GSN: variants seen among roughly 807,000 people sequenced by gnomAD.
GSN encodes actin-depolymerizing factor.
GSN carries 56 observed loss-of-function variants against 85.7 expected under a neutral mutation model. The ratio of observed to expected loss-of-function variants is 0.65; its 90% CI spans 0.53 to 0.82. GSN has a LOEUF of 0.82. Among genes scored for constraint, GSN ranks in the 40% least tolerant of loss-of-function variants. GSN has a pLI of 0.00. For synonymous variants in GSN, 373 were observed against 399.1 expected (o/e 0.93, Z 0.78); for missense variants, 857 against 979.8 (o/e 0.87, Z 1.67).
chr9:121,323,054 C>G (rs373464323), intron 11 of GSN, among the ~76,000 whole-genome samples: 1 of 152,048 alleles, frequency 6.6e-6, no homozygotes, highest in Non-Finnish European at 1.5e-5. Context: ...AGGCTGGTCT[C>G]GAACTCCTCT....
chr9:121,291,387 A>G (rs974111980), intron 2 of GSN, among the ~76,000 whole-genome samples: 6 of 149,834 alleles, frequency 4.0e-5, no homozygotes, highest in African/African-American at 1.2e-4. Flanking sequence ...GGGAGGGACA[A>G]CTATTCTCTG....
intron 6 of GSN, among the ~76,000 whole-genome samples, chr9:121,254,894 A>G (rs559821868): frequency 5.9e-5 from 9 of 152,240 alleles, no homozygotes; most frequent in African/African-American, 1.7e-4. Context: ...TACCCTTACA[A>G]AAGTATTTTA....
At chr9:121,239,649 G>T in intron 5 of GSN, 1 of 287,878 alleles carries the variant, frequency 3.5e-6, no homozygotes, top group Non-Finnish European at 6.9e-6. Flanking sequence ...TTGACGTTGA[G>T]GATTGGTTGG....
chr9:121,296,135 T>C (rs1398590604), intron 2 of GSN, among the ~76,000 whole-genome samples: 2 of 152,160 alleles, frequency 1.3e-5, no homozygotes, highest in African/African-American at 4.8e-5. Flanking sequence ...TTGGGCTTGA[T>C]TGATTTAGCC....
intron 2 of GSN, chr9:121,286,865 G>T: frequency 1.1e-6 from 1 of 926,808 alleles, no homozygotes; most frequent in South Asian, 1.4e-5. Context: ...GAACCTCTCT[G>T]AGCTTTTGTT....
chr9:121,236,298 C>T (rs1019493173), intron 5 of GSN, among the ~76,000 whole-genome samples: 1 of 152,150 alleles, frequency 6.6e-6, no homozygotes, highest in Non-Finnish European at 1.5e-5. Context: ...CGGCTTACTG[C>T]AGCCTCCACC....
intron 1 of GSN, among the ~76,000 whole-genome samples, chr9:121,272,276 G>A (rs2056092831): frequency 6.6e-6 from 1 of 152,178 alleles, no homozygotes; most frequent in Admixed American, 6.5e-5. Context: ...TAAGAATAGG[G>A]CAGAGAAAAG....
chr9:121,222,036 G>A (rs1403275364), intron 4 of GSN, among the ~76,000 whole-genome samples: 3 of 152,132 alleles, frequency 2.0e-5, no homozygotes, highest in Non-Finnish European at 4.4e-5. Flanking sequence ...CCATCCCAAA[G>A]GACTGGTTCC....
Position 121,331,466 on chromosome 9 carries a change from T to TGGGTGCGG in GSN, c.2026+21_2026+22insTGCGGGGG. On this transcript the variant is annotated intron_variant, in intron 17 of 17. Coordinates refer to ENST00000432226, the MANE Select transcript of GSN (RefSeq NM_198252.3). ...GACTTCTGGTGAGGACCCGAGTGCC[T>TGGGTGCGG]GGGGGCGGGGGGAGGGGTCCGTTGC... 1 of 887,856 alleles carries TGGGTGCGG rather than the reference T, an allele frequency of 1.1e-6. No individual in the cohort carries two copies. Among genetic ancestry groups the TGGGTGCGG allele is most frequent in the Admixed American group, 2.3e-5 (1 of 43,044 alleles). The allele number at this position is 887,856 out of a possible 1,614,324, so 55.0% of individuals were successfully genotyped here.
chr9:121,321,180 A>G (rs2062390240), intron 10 of GSN, 88 bp from the exon 11 acceptor site: 1 of 1,437,262 alleles, frequency 7.0e-7, no homozygotes, highest in Non-Finnish European at 9.7e-7. Flanking sequence ...TGGCCTAACC[A>G]CAACCTACCA....
chr9:121,251,074 C>A (rs1178488212), intron 6 of GSN, among the ~76,000 whole-genome samples: 1 of 151,794 alleles, frequency 6.6e-6, no homozygotes, highest in Non-Finnish European at 1.5e-5. Context: ...TATCCTCCTG[C>A]CGCGGCATCC....
chr9:121,319,234 T>C (rs1417016897), intron 10 of GSN, among the ~76,000 whole-genome samples: 3 of 152,072 alleles, frequency 2.0e-5, no homozygotes, highest in Non-Finnish European at 4.4e-5. Flanking sequence ...ACCTTTGGGT[T>C]GGGTCTCAGA....
intron 5 of GSN, among the ~76,000 whole-genome samples, chr9:121,235,704 T>A (rs912066725): frequency 6.6e-6 from 1 of 152,206 alleles, no homozygotes; most frequent in African/African-American, 2.4e-5. Context: ...GAAAGCTTGC[T>A]GGTTATCTTA....
At chr9:121,320,833 A>T (rs1046568999) in intron 10 of GSN, among the ~76,000 whole-genome samples, 1 of 152,150 alleles carries the variant, frequency 6.6e-6, no homozygotes, top group Non-Finnish European at 1.5e-5. Flanking sequence ...TGAGCCTCAC[A>T]GTACTTTGAG....
At chr9:121,306,009 C>G (rs546517726) in intron 4 of GSN, among the ~76,000 whole-genome samples, 1 of 152,292 alleles carries the variant, frequency 6.6e-6, no homozygotes, top group African/African-American at 2.4e-5. Flanking sequence ...GGGGCTTGGC[C>G]CTCTTGTTCT....
intron 5 of GSN, among the ~76,000 whole-genome samples, chr9:121,235,780 G>C (rs1339095166): frequency 5.9e-5 from 9 of 152,178 alleles, no homozygotes; most frequent in African/African-American, 2.2e-4. Context: ...CAGGCACCTG[G>C]CCACCCTAAA....
rs777983356 is a variant in GSN, at chr9:121,310,665, T to C, written c.352-19T>C. 32 of 1,613,472 alleles carry C rather than the reference T, an allele frequency of 2.0e-5. No individual in the cohort carries two copies. The highest frequency in any genetic ancestry group is 5.5e-5 in the South Asian group (5 of 91,056). ...TGGGCCTTCTCCCCTGGGCTAATGCTGTCTCTTTGGCCCCACAGAAAGGAG... is the reference window on the plus strand; with the variant it reads ...TGGGCCTTCTCCCCTGGGCTAATGCCGTCTCTTTGGCCCCACAGAAAGGAG... On this transcript the variant is annotated intron_variant, in intron 4 of 17. Coordinates refer to ENST00000432226, the MANE Select transcript of GSN (RefSeq NM_198252.3).
chr9:121,233,870 C>G (rs1219652911), intron 5 of GSN, among the ~76,000 whole-genome samples: 1 of 152,120 alleles, frequency 6.6e-6, no homozygotes, highest in Non-Finnish European at 1.5e-5. Flanking sequence ...GTTCCTGAAG[C>G]AATTGTTTCG....
intron 1 of GSN, chr9:121,279,747 G>T (rs2057120784): frequency 6.6e-6 from 1 of 152,276 alleles, no homozygotes; most frequent in Non-Finnish European, 1.5e-5. Context: ...GCAATTTGGG[G>T]TGTGTAGAAA....
Sources: allele counts gnomAD v4.1 joint callset (sites outside exome capture counted in the v4.1 genomes callset), GRCh38; gene constraint gnomAD v4.1.1; transcripts MANE v1.5; gene names NCBI Gene and HGNC (gene_info 2026-07-23, HGNC 2026-07-21).